Variants in ERG observed in about 807,000 individuals in gnomAD.
ERG encodes the protein ETS transcription factor ERG, also known as transcriptional regulator ERG.
In ERG, 9 loss-of-function variants were observed where a neutral mutation model predicts 55.3. That is an observed-to-expected ratio of 0.16 (90% CI 0.10 to 0.28). ERG has a LOEUF of 0.28. ERG is among the 10% of genes least tolerant of loss of function. The pLI is 1.00. For missense variants in ERG, 434 were observed against 631.6 expected, an observed-to-expected ratio of 0.69 and a Z score of 3.35; for synonymous variants, 223 against 237.3, an observed-to-expected ratio of 0.94 and a Z score of 0.55.
intron 1 of ERG, among the ~76,000 whole-genome samples, chr21:38,619,653 T>C (rs971805561): frequency 1.4e-4 from 22 of 152,258 alleles, no homozygotes; most frequent in African/African-American, 4.6e-4. Flanking sequence ...ACACTGTTTA[T>C]AGGGCCAGAA....
upstream of ERG, among the ~76,000 whole-genome samples, chr21:38,586,270 C>T (rs13051853): frequency 0.026 from 3,764 of 145,290 alleles, 187 homozygotes; most frequent in African/African-American, 0.092. Context: ...TAATTAACAT[C>T]TGCATTACCT....
chr21:38,561,757 G>A (rs114887397), intron 2 of ERG, among the ~76,000 whole-genome samples: 2,324 of 152,120 alleles, frequency 0.015, 56 homozygotes, highest in African/African-American at 0.052. Flanking sequence ...TGGTATTATT[G>A]TTCGTTTTTC....
intron 1 of ERG, among the ~76,000 whole-genome samples, chr21:38,467,692 A>G (rs754049747): frequency 1.5e-4 from 23 of 152,252 alleles, no homozygotes; most frequent in Non-Finnish European, 3.1e-4. Context: ...TGGGGCTTCC[A>G]GTAACAGTAA....
intron 2 of ERG, among the ~76,000 whole-genome samples, chr21:38,557,452 A>C (rs1003182774): frequency 3.3e-5 from 5 of 152,192 alleles, no homozygotes; most frequent in African/African-American, 1.2e-4. Flanking sequence ...TGCAAGTCAT[A>C]AGTCTTTGTG....
At chr21:38,612,695 G>A (rs552667177) in intron 1 of ERG, among the ~76,000 whole-genome samples, 15 of 140,272 alleles carry the variant, frequency 1.1e-4, no homozygotes, top group Admixed American at 2.3e-4. Flanking sequence ...ACAGAGTCTC[G>A]CTCTGTCACG....
intron 1 of ERG, among the ~76,000 whole-genome samples, chr21:38,609,728 G>C (rs1394672512): frequency 6.6e-6 from 1 of 152,220 alleles, no homozygotes. Context: ...CTGTATACAG[G>C]CAAAGAGAAA....
chr21:38,560,628 A>C (rs1186332703), intron 2 of ERG, among the ~76,000 whole-genome samples: 1 of 152,194 alleles, frequency 6.6e-6, no homozygotes, highest in East Asian at 1.9e-4. Flanking sequence ...CCGTCTCAAC[A>C]TCTGCTTCCC....
chr21:38,404,737 G>A (rs945781894), intron 3 of ERG, among the ~76,000 whole-genome samples: 3 of 152,132 alleles, frequency 2.0e-5, no homozygotes, highest in Non-Finnish European at 2.9e-5. Flanking sequence ...CTCAGTTCCC[G>A]GGACAAGCCC....
chr21:38,489,009 G>A (rs749841423), intron 1 of ERG, among the ~76,000 whole-genome samples: 6 of 152,196 alleles, frequency 3.9e-5, no homozygotes, highest in Non-Finnish European at 7.3e-5. Flanking sequence ...AGGAGATAAC[G>A]AATAATGGAC....
intron 2 of ERG, among the ~76,000 whole-genome samples, chr21:38,437,036 T>C (rs7279458): frequency 0.5 from 75,108 of 151,608 alleles, 20,158 homozygotes; most frequent in Non-Finnish European, 0.61. Flanking sequence ...TACAGGCACC[T>C]GCCACCATGC....
chr21:38,392,181 T>C (rs1988002889), intron 7 of ERG, 195 bp downstream of exon 7: 2 of 679,148 alleles, frequency 2.9e-6, no homozygotes, highest in East Asian at 2.7e-5. Context: ...TTTATTTTTG[T>C]TATGAAAGTC....
At chr21:38,582,158 T>G (rs552315674) in intron 1 of ERG, among the ~76,000 whole-genome samples, 21 of 152,280 alleles carry the variant, frequency 1.4e-4, no homozygotes, top group African/African-American at 4.8e-4. Context: ...TAATAAACTG[T>G]AATCATAAGA....
intron 2 of ERG, among the ~76,000 whole-genome samples, chr21:38,532,053 A>G (rs1354295050): frequency 6.6e-6 from 1 of 152,226 alleles, no homozygotes; most frequent in Non-Finnish European, 1.5e-5. Flanking sequence ...ATAAATCAAG[A>G]TTCAGTATTT....
intron 1 of ERG, among the ~76,000 whole-genome samples, chr21:38,453,450 C>A (rs1439602038): frequency 6.6e-6 from 1 of 152,236 alleles, no homozygotes; most frequent in Non-Finnish European, 1.5e-5. Flanking sequence ...ACTCTGTTTT[C>A]TCAGTGCCAT....
chr21:38,593,894 T>C (rs1394102990), intron 1 of ERG, among the ~76,000 whole-genome samples: 2 of 152,064 alleles, frequency 1.3e-5, no homozygotes, highest in East Asian at 1.9e-4. Context: ...AGATATAGTA[T>C]AGAGAGGCAG....
In ERG at chr21:38,402,571, T is replaced by C. The variant is rs1220387591; in HGVS notation, c.659A>G (p.His220Arg). ...GCCAGCATTACCTGTGTTTCTAGCATGCATTAACCGTGGAGAGTTTTGTAA... is the reference window on the plus strand; with the variant it reads ...GCCAGCATTACCTGTGTTTCTAGCACGCATTAACCGTGGAGAGTTTTGTAA... ...KALQNSPRLM[H>R]ARNTGGAAFI... Residue 220 changes from histidine (H) to arginine (R), a missense_variant, in exon 5 of 10, where the codon CAT (histidine) becomes CGT (arginine). Coordinates refer to ENST00000288319, the MANE Select transcript of ERG (RefSeq NM_182918.4). The C allele has an allele frequency of 2.5e-6, 4 of 1,612,432 alleles. No homozygotes were observed. The highest frequency in any genetic ancestry group is 2.5e-6 in the Non-Finnish European group (3 of 1,179,446).
chr21:38,494,584 A>G (rs1487362918), intron 1 of ERG, among the ~76,000 whole-genome samples: 1 of 152,248 alleles, frequency 6.6e-6, no homozygotes. Context: ...ATGCTTTTTC[A>G]AGAGTTGTTA....
intron 1 of ERG, among the ~76,000 whole-genome samples, chr21:38,608,505 C>T (rs1360281170): frequency 1.3e-5 from 2 of 152,124 alleles, no homozygotes; most frequent in Admixed American, 1.3e-4. Flanking sequence ...AATAGAAAAT[C>T]CTTCATTATA....
intron 1 of ERG, among the ~76,000 whole-genome samples, chr21:38,660,086 G>A (rs865861470): frequency 1.2e-4 from 18 of 152,192 alleles, no homozygotes; most frequent in African/African-American, 4.3e-4. Context: ...CCGGTGTTGC[G>A]GGGTGTGCGG....
Sources: allele counts gnomAD v4.1 joint callset (sites outside exome capture counted in the v4.1 genomes callset), GRCh38; gene constraint gnomAD v4.1.1; transcripts MANE v1.5; gene names NCBI Gene and HGNC (gene_info 2026-07-23, HGNC 2026-07-21).